The following PRKG1 variants were observed in gnomAD, a reference collection of about 807,000 sequenced individuals.
The protein encoded by PRKG1 is protein kinase cGMP-dependent 1.
In PRKG1, 35 loss-of-function variants were observed where a neutral mutation model predicts 88.1. The ratio of observed to expected loss-of-function variants is 0.40; its 90% confidence interval spans 0.30 to 0.53. The LOEUF (loss-of-function observed/expected upper bound fraction) is 0.53. Among genes scored for constraint, PRKG1 ranks in the 20% least tolerant of loss-of-function variants. PRKG1 has a pLI of 0.59. For missense variants in PRKG1, 540 were observed against 839.8 expected (o/e 0.64, Z 4.41); for synonymous variants, 303 against 292.5 (o/e 1.04, Z -0.37).
intron 3 of PRKG1, among the ~76,000 whole-genome samples, chr10:51,672,589 T>C (rs1409445202): frequency 1.3e-5 from 2 of 152,182 alleles, no homozygotes; most frequent in African/African-American, 2.4e-5. Flanking sequence ...TATTTAATTT[T>C]GCTATTTGAT....
intron 3 of PRKG1, among the ~76,000 whole-genome samples, chr10:51,678,876 A>C (rs1311657183): frequency 6.6e-6 from 1 of 152,210 alleles, no homozygotes; most frequent in African/African-American, 2.4e-5. Context: ...GGTGAACATC[A>C]GTTATTATCT....
chr10:51,728,188 A>C (rs555966451), intron 3 of PRKG1, among the ~76,000 whole-genome samples: 2 of 152,172 alleles, frequency 1.3e-5, no homozygotes, highest in African/African-American at 4.8e-5. Flanking sequence ...AAATATATTA[A>C]ATTTGAGATT....
At chr10:52,202,193 C>A (rs995417487) in intron 9 of PRKG1, among the ~76,000 whole-genome samples, 1 of 151,864 alleles carries the variant, frequency 6.6e-6, no homozygotes, top group Non-Finnish European at 1.5e-5. Flanking sequence ...TCATAGGTGG[C>A]TTTTATTATT....
chr10:51,434,828 C>T (rs1838872833), intron 2 of PRKG1, among the ~76,000 whole-genome samples: 1 of 152,064 alleles, frequency 6.6e-6, no homozygotes, highest in Non-Finnish European at 1.5e-5. Context: ...GGAAATGTCT[C>T]TTACCTGTGT....
chr10:52,144,626 C>T (rs934375195), intron 8 of PRKG1, among the ~76,000 whole-genome samples: 5 of 152,144 alleles, frequency 3.3e-5, no homozygotes, highest in African/African-American at 4.8e-5. Context: ...GCCTGGCCAA[C>T]ATGGTGAAAC....
chr10:51,804,688 A>T lies in PRKG1; in HGVS notation c.696A>T (p.Lys232Asn). Residue 232 changes from lysine (K) to asparagine (N), a missense_variant and splice_region_variant, in exon 4 of 18, where the codon AAA becomes AAT. This residue lies in a region of PRKG1 where 400 missense variants were observed against 562.7 expected (regional missense o/e 0.71). Coordinates refer to ENST00000373980, the MANE Select transcript of PRKG1 (RefSeq NM_006258.4). ...ATACCGAGTATATGGAATTTTTAAA[A>T]AGGTAGGATGCTTTCTTTTCTCTTG... ...IKHTEYMEFL[K>N]SVPTFQSLPE... The T allele has an allele frequency of 1.9e-6, 3 of 1,547,074 alleles. No individual in the cohort carries two copies. The highest frequency in any genetic ancestry group is 2.7e-6 in the Non-Finnish European group (3 of 1,120,056).
At chr10:51,272,124 A>G (rs549328798) in intron 2 of PRKG1, among the ~76,000 whole-genome samples, 89 of 152,138 alleles carry the variant, frequency 5.8e-4, no homozygotes, top group Non-Finnish European at 1.2e-3. Context: ...CTGGTGTGAA[A>G]TGGTATCTCA....
In PRKG1 at chr10:52,113,116, TTGAA is replaced by T. The variant is rs149761354; in HGVS notation, c.936-20721_936-20718del. Among the ~76,000 whole-genome samples the T allele has an allele frequency of 4.8e-3, 734 of 152,284 alleles. 2 individuals carry two copies. Among genetic ancestry groups the T allele is most frequent in the Non-Finnish European group, 7.5e-3 (508 of 68,012 alleles). On this transcript the variant is annotated intron_variant, in intron 7 of 17. Transcript: ENST00000373980. ...TAGTGTTCTTTTGAAGATTCAGAGT[TTGAA>T]TGTGCAAAGACCTATTACAGAAATT...
intron 9 of PRKG1, among the ~76,000 whole-genome samples, chr10:52,241,669 G>C (rs985760500): frequency 6.6e-5 from 10 of 152,136 alleles, no homozygotes; most frequent in Non-Finnish European, 1.3e-4. Context: ...TAACCATAGA[G>C]AAAAGGTGCA....
intron 9 of PRKG1, among the ~76,000 whole-genome samples, chr10:52,201,187 G>T (rs1403884725): frequency 6.6e-6 from 1 of 152,056 alleles, no homozygotes; most frequent in Non-Finnish European, 1.5e-5. Context: ...ATACTTCCAT[G>T]CTTTGCATTT....
chr10:51,919,918 T>G (rs1842427115), intron 5 of PRKG1, among the ~76,000 whole-genome samples: 1 of 152,120 alleles, frequency 6.6e-6, no homozygotes, highest in African/African-American at 2.4e-5. Context: ...AAATAAACAA[T>G]AAATATTTGT....
chr10:51,467,912 C>T (rs1312063782), intron 3 of PRKG1, 76 bp downstream of exon 3: 64 of 1,150,442 alleles, frequency 5.6e-5, no homozygotes, highest in Non-Finnish European at 7.9e-5. Context: ...TTAAAATGCC[C>T]ATTCATTTAA....
intron 3 of PRKG1, among the ~76,000 whole-genome samples, chr10:51,569,301 G>A (rs1462914794): frequency 6.6e-6 from 1 of 151,984 alleles, no homozygotes; most frequent in African/African-American, 2.4e-5. Context: ...AAGGTTGCCT[G>A]ACTAGGACAG....
intron 3 of PRKG1, among the ~76,000 whole-genome samples, chr10:51,552,510 C>A (rs1305930825): frequency 1.3e-5 from 2 of 151,572 alleles, no homozygotes; most frequent in African/African-American, 4.8e-5. Flanking sequence ...CAATGTCATT[C>A]AATCCAGATA....
intron 2 of PRKG1, among the ~76,000 whole-genome samples, chr10:51,411,499 G>T (rs1374423580): frequency 2.0e-5 from 3 of 152,194 alleles, no homozygotes; most frequent in Admixed American, 1.3e-4. Flanking sequence ...ATGTGCATCT[G>T]CCCGTGTGTG....
At chr10:51,374,093 A>AAATATATATATATATATATATATGTATAT in intron 2 of PRKG1, among the ~76,000 whole-genome samples, 1 of 100,144 alleles carries the variant, frequency 1.0e-5, no homozygotes, top group Non-Finnish European at 2.2e-5. Context: ...AAAAAAAAAA[A>AAATATATATATATATATATATATGTATAT]ATATATATAT....
chr10:51,190,102 G>C (rs552788513), intron 2 of PRKG1, among the ~76,000 whole-genome samples: 1 of 151,894 alleles, frequency 6.6e-6, no homozygotes, highest in Admixed American at 6.6e-5. Context: ...GAGTTCATAC[G>C]TAACAACATT....
chr10:51,693,165 G>GT (rs1362332224), intron 3 of PRKG1, among the ~76,000 whole-genome samples: 1 of 151,154 alleles, frequency 6.6e-6, no homozygotes. Flanking sequence ...GCACACGCCT[G>GT]TAATCACAGC....
intron 5 of PRKG1, among the ~76,000 whole-genome samples, chr10:51,956,711 T>TCCTC (rs1843310965): frequency 8.1e-6 from 1 of 123,748 alleles, no homozygotes; most frequent in South Asian, 3.4e-4. Context: ...GATATAAAAC[T>TCCTC]CCTCTCTCTC....
Sources: allele counts gnomAD v4.1 joint callset (sites outside exome capture counted in the v4.1 genomes callset), GRCh38; gene constraint gnomAD v4.1.1; regional missense constraint gnomAD v4.1.1; transcripts MANE v1.5; gene names NCBI Gene and HGNC (gene_info 2026-07-23, HGNC 2026-07-21).